The following IQSEC1 variants were observed in gnomAD, a reference collection of about 807,000 sequenced individuals.
The protein encoded by IQSEC1 is IQ motif and Sec7 domain ArfGEF 1.
In IQSEC1, 31 loss-of-function variants were observed where a neutral mutation model predicts 91.0. That is an observed-to-expected ratio of 0.34 (90% CI 0.26 to 0.46). The LOEUF (loss-of-function observed/expected upper bound fraction) is 0.46, where lower values mean the gene tolerates loss of function less well. IQSEC1 is among the 20% of genes least tolerant of loss of function. IQSEC1 has a pLI of 1.00. For synonymous variants in IQSEC1, 699 were observed against 662.6 expected, an observed-to-expected ratio of 1.05 and a Z score of -0.84; for missense variants, 1,388 against 1,575.6, an observed-to-expected ratio of 0.88 and a Z score of 2.02.
At chr3:13,244,063 G>A (rs1475248747) in intron 1 of IQSEC1, among the ~76,000 whole-genome samples, 8 of 152,214 alleles carry the variant, frequency 5.3e-5, no homozygotes, top group African/African-American at 1.4e-4. Context: ...GCAGAGGGGT[G>A]GCCTCACTTT....
At chr3:13,056,117 A>G (rs1201985411) in intron 1 of IQSEC1, among the ~76,000 whole-genome samples, 1 of 152,138 alleles carries the variant, frequency 6.6e-6, no homozygotes, top group Non-Finnish European at 1.5e-5. Flanking sequence ...AGGCCTCACC[A>G]TGTGGCCCGG....
Position 12,909,730 on chromosome 3 carries a change from G to A in IQSEC1, c.2417-296C>T, listed in dbSNP as rs1376968705. On this transcript the variant is annotated intron_variant, in intron 10 of 13. Transcript: ENST00000613206. The surrounding 1 kb of genome is among the most constrained non-coding windows in gnomAD (Gnocchi z 4.9). ...ACAGAGGTTGCGTCCTGAGAAAGGTGGGAGTCTTCTCTAGTCATCTCAGTT... is the reference window on the plus strand; with the variant it reads ...ACAGAGGTTGCGTCCTGAGAAAGGTAGGAGTCTTCTCTAGTCATCTCAGTT... Among the ~76,000 whole-genome samples, 2 of 152,246 alleles carry A rather than the reference G, an allele frequency of 1.3e-5. No individual in the cohort carries two copies. Among genetic ancestry groups the A allele is most frequent in the African/African-American group, 4.8e-5 (2 of 41,472 alleles).
chr3:12,959,889 G>A (rs1192406548), intron 1 of IQSEC1, among the ~76,000 whole-genome samples: 1 of 152,040 alleles, frequency 6.6e-6, no homozygotes, highest in Non-Finnish European at 1.5e-5. Flanking sequence ...ATCTTCTTGG[G>A]CCATTTTGCC....
chr3:13,260,202 T>C (rs907743428), intron 1 of IQSEC1, among the ~76,000 whole-genome samples: 5 of 152,140 alleles, frequency 3.3e-5, no homozygotes, highest in African/African-American at 9.7e-5. Flanking sequence ...GGAAGGAAAG[T>C]TGCAACCCTC....
rs1661027574 is a variant in IQSEC1 at position 12,967,741 on chromosome 3, G to T, written c.24-25876C>A. The stretch of plus-strand genomic sequence containing the variant: ...ATGTGGCCCTGAAGTGGGCGGGGCA[G>T]GGCGGGGGCGGGGCCGGAGGGCGAG... On this transcript the variant is annotated intron_variant, in intron 1 of 13. Coordinates refer to ENST00000613206, the MANE Select transcript of IQSEC1 (RefSeq NM_001134382.3). The surrounding 1 kb of genome is among the most constrained non-coding windows in gnomAD (Gnocchi z 5.9). 1.9e-6 allele frequency: 2 copies of T among 1,045,900 alleles called. No individual in the cohort carries two copies. The highest frequency in any genetic ancestry group is 2.3e-6 in the Non-Finnish European group (2 of 869,228). 64.8% of individuals were successfully genotyped at this position (1,045,900 alleles called of 1,614,324 possible).
chr3:13,206,156 TCCCTCCATCCACCCATCCAC>T (rs60674597), intron 1 of IQSEC1, among the ~76,000 whole-genome samples: 1 of 118,002 alleles, frequency 8.5e-6, no homozygotes, highest in South Asian at 3.4e-4. Flanking sequence ...CACCTATCCA[TCCCTCCATCCACCCATCCAC>T]CCCTCCATCC....
intron 1 of IQSEC1, among the ~76,000 whole-genome samples, chr3:13,062,438 C>T (rs1308307201): frequency 7.9e-5 from 12 of 152,202 alleles, no homozygotes; most frequent in Admixed American, 7.9e-4. Context: ...TTGTCTTCTG[C>T]CCCAAGTCAC....
intron 2 of IQSEC1, among the ~76,000 whole-genome samples, chr3:13,105,443 C>T (rs371432910): frequency 2.1e-4 from 32 of 152,310 alleles, no homozygotes; most frequent in African/African-American, 7.2e-4. Context: ...ACCAGTCCCA[C>T]CCCTGCCGGC....
chr3:12,967,768 T>TG lies in IQSEC1; in HGVS notation c.24-25904dup, dbSNP rs566728017. The TG allele has an allele frequency of 7.1e-3, 5,941 of 842,024 alleles. 316 individuals carry two copies. In the African/African-American group the frequency reaches 0.1, roughly 14 times the overall value. The allele number at this position is 842,024 out of a possible 1,614,324, so 52.2% of individuals were successfully genotyped here. On this transcript the variant is annotated intron_variant, in intron 1 of 13. Coordinates refer to ENST00000613206, the MANE Select transcript of IQSEC1 (RefSeq NM_001134382.3). This position sits in a 1 kb window ranked among gnomAD's most constrained non-coding sequence, Gnocchi z 5.9. Reference sequence around the variant, plus strand: ...GCGGGGGCGGGGCCGGAGGGCGAGCTGGGGGCGGGGCCGGAGGGCGAGCTG... The same window carrying TG: ...GCGGGGGCGGGGCCGGAGGGCGAGCTGGGGGGCGGGGCCGGAGGGCGAGCTG...
intron 1 of IQSEC1, among the ~76,000 whole-genome samples, chr3:13,236,749 G>A (rs1484309048): frequency 2.6e-5 from 4 of 152,232 alleles, no homozygotes; most frequent in African/African-American, 9.6e-5. Context: ...GGGTGGGCTC[G>A]CTGCCATCAG....
At position 13,201,089 on chromosome 3, in the gene IQSEC1, C is replaced by T. The variant is rs116505888; in HGVS notation, c.273-36956G>A. ...TGCCTGTGAGTTATGCCATTTACTC[C>T]GCACAACAAATGCGTGAGGTGAGTC... On this transcript the variant is annotated intron_variant, in intron 1 of 15. Transcript: ENST00000648114. Among the ~76,000 whole-genome samples, 384 of 152,310 alleles carry T rather than the reference C, an allele frequency of 2.5e-3. 1 individual carries two copies. Among genetic ancestry groups the T allele is most frequent in the African/African-American group, 8.1e-3 (335 of 41,570 alleles).
chr3:13,074,649 G>A (rs989118578), upstream of IQSEC1, among the ~76,000 whole-genome samples: 3 of 152,216 alleles, frequency 2.0e-5, no homozygotes, highest in Non-Finnish European at 4.4e-5. Context: ...CGGGCAGTCT[G>A]GCTCCAGAGT....
At chr3:13,018,238 G>A (rs1455378683) in intron 1 of IQSEC1, among the ~76,000 whole-genome samples, 1 of 152,172 alleles carries the variant, frequency 6.6e-6, no homozygotes, top group Non-Finnish European at 1.5e-5. Context: ...CCTGCAGAGG[G>A]GCATCAGATG....
At chr3:12,906,267 G>A (rs1370333400) in intron 12 of IQSEC1, among the ~76,000 whole-genome samples, 1 of 152,184 alleles carries the variant, frequency 6.6e-6, no homozygotes, top group African/African-American at 2.4e-5. Context: ...AGCTCATCGT[G>A]GTGTTTCAGG....
At chr3:12,976,677 A>T (rs1300701426) in intron 1 of IQSEC1, among the ~76,000 whole-genome samples, 1 of 152,198 alleles carries the variant, frequency 6.6e-6, no homozygotes, top group Non-Finnish European at 1.5e-5. Context: ...TATCTGGCTT[A>T]ATCACTTATG....
chr3:13,229,907 A>T (rs1326396560), intron 1 of IQSEC1, among the ~76,000 whole-genome samples: 4 of 152,246 alleles, frequency 2.6e-5, no homozygotes, highest in African/African-American at 9.6e-5. Flanking sequence ...AAGAATAAAA[A>T]TAGCACTTAT....
At chr3:12,965,489 A>G (rs1403780598) in intron 1 of IQSEC1, among the ~76,000 whole-genome samples, 1 of 152,212 alleles carries the variant, frequency 6.6e-6, no homozygotes, top group Non-Finnish European at 1.5e-5. Flanking sequence ...ACCACATACC[A>G]GGTGCTCCAG....
intron 1 of IQSEC1, among the ~76,000 whole-genome samples, chr3:13,229,483 C>T (rs866011284): frequency 1.3e-5 from 2 of 152,142 alleles, no homozygotes; most frequent in East Asian, 3.8e-4. Flanking sequence ...AATGCCCAAT[C>T]GAGGCAGTAA....
intron 1 of IQSEC1, among the ~76,000 whole-genome samples, chr3:13,019,874 C>T (rs867596603): frequency 3.9e-5 from 6 of 152,316 alleles, no homozygotes; most frequent in South Asian, 2.1e-4. Context: ...CGTAAGGCCC[C>T]GCCCCACAGC....
Sources: allele counts gnomAD v4.1 joint callset (sites outside exome capture counted in the v4.1 genomes callset), GRCh38; gene constraint gnomAD v4.1.1; non-coding constraint Gnocchi (gnomAD v3.1); transcripts MANE v1.5; gene names NCBI Gene and HGNC (gene_info 2026-07-23, HGNC 2026-07-21).